RNF144A: variants seen among roughly 807,000 people sequenced by gnomAD.
RNF144A encodes the protein ring finger protein 144A, also known as E3 ubiquitin-protein ligase RNF144A.
In RNF144A, 11 loss-of-function variants were observed where a neutral mutation model predicts 38.7. That is an observed-to-expected ratio of 0.28 (90% CI 0.18 to 0.47). RNF144A has a LOEUF of 0.47. RNF144A is among the 20% of genes least tolerant of loss of function. The pLI is 0.99. For missense variants in RNF144A, 316 were observed against 377.2 expected, an observed-to-expected ratio of 0.84 and a Z score of 1.34; for synonymous variants, 149 against 143.9, an observed-to-expected ratio of 1.04 and a Z score of -0.25.
At chr2:6,923,446 C>T (rs1309448487) in intron 1 of RNF144A, among the ~76,000 whole-genome samples, 3 of 152,230 alleles carry the variant, frequency 2.0e-5, no homozygotes, top group Non-Finnish European at 4.4e-5. Context: ...GTTCAAGCCT[C>T]TTCCTGCCTT....
At chr2:6,996,781 C>G (rs1572364675) in intron 2 of RNF144A, 135 bp from the exon 3 acceptor site, 2 of 843,196 alleles carry the variant, frequency 2.4e-6, no homozygotes, top group Admixed American at 5.7e-5. Context: ...CTCAGAACAT[C>G]CAGATGCTCT....
chr2:6,925,125 G>T (rs1664777890), intron 1 of RNF144A, among the ~76,000 whole-genome samples: 1 of 152,228 alleles, frequency 6.6e-6, no homozygotes, highest in African/African-American at 2.4e-5. Flanking sequence ...GACTTTCTGA[G>T]TTGGCACCTT....
At chr2:7,054,244 A>G (rs1333739382) in intron 6 of RNF144A, among the ~76,000 whole-genome samples, 1 of 152,224 alleles carries the variant, frequency 6.6e-6, no homozygotes, top group East Asian at 1.9e-4. Flanking sequence ...GAATAAAACA[A>G]CATTTCGCCT....
chr2:7,020,050 G>C (rs888605043), intron 5 of RNF144A, among the ~76,000 whole-genome samples: 3 of 152,180 alleles, frequency 2.0e-5, no homozygotes, highest in Non-Finnish European at 4.4e-5. Flanking sequence ...CAGGGGTCCA[G>C]CTTCAGAAAA....
intron 2 of RNF144A, among the ~76,000 whole-genome samples, chr2:6,971,335 C>A (rs770349670): frequency 6.6e-6 from 1 of 152,154 alleles, no homozygotes; most frequent in African/African-American, 2.4e-5. Context: ...TAAGGATGGC[C>A]AGGGTGTGGG....
intron 3 of RNF144A, among the ~76,000 whole-genome samples, chr2:7,009,920 G>A (rs1670685078): frequency 6.6e-6 from 1 of 152,186 alleles, no homozygotes. Flanking sequence ...CTCTGTGTGT[G>A]TTCTACTCAT....
At chr2:6,988,559 G>A (rs1669103670) in intron 2 of RNF144A, among the ~76,000 whole-genome samples, 1 of 152,196 alleles carries the variant, frequency 6.6e-6, no homozygotes, top group Non-Finnish European at 1.5e-5. Flanking sequence ...GACCCTAGAG[G>A]TGAAACCTTA....
intron 2 of RNF144A, among the ~76,000 whole-genome samples, chr2:6,975,383 G>A (rs1465600524): frequency 6.6e-6 from 1 of 152,138 alleles, no homozygotes; most frequent in Middle Eastern, 3.2e-3. Context: ...TTGGGTGGGG[G>A]ACACAGAACC....
chr2:6,970,675 G>C (rs1281114635), intron 2 of RNF144A, among the ~76,000 whole-genome samples: 1 of 152,158 alleles, frequency 6.6e-6, no homozygotes, highest in Non-Finnish European at 1.5e-5. Context: ...AACTTGCCCA[G>C]GTCCCTTCAG....
At chr2:7,024,334 G>C in intron 6 of RNF144A, 35 bp from the exon 7 acceptor site, 1 of 1,565,216 alleles carries the variant, frequency 6.4e-7, no homozygotes, top group Admixed American at 1.7e-5. Flanking sequence ...CGTGGGATCC[G>C]TTTGTGCAGA....
At chr2:6,938,857 T>C (rs1443004079) in intron 1 of RNF144A, among the ~76,000 whole-genome samples, 1 of 152,184 alleles carries the variant, frequency 6.6e-6, no homozygotes, top group Non-Finnish European at 1.5e-5. Context: ...CTGGCTTCTC[T>C]CTCTCATCTG....
chr2:6,961,559 C>G (rs752631843), intron 2 of RNF144A, among the ~76,000 whole-genome samples: 2 of 152,242 alleles, frequency 1.3e-5, no homozygotes, highest in Non-Finnish European at 2.9e-5. Flanking sequence ...TGCATGCATC[C>G]TAAGGACATA....
chr2:6,998,871 C>G (rs903971441), intron 3 of RNF144A, among the ~76,000 whole-genome samples: 5 of 152,018 alleles, frequency 3.3e-5, no homozygotes, highest in South Asian at 2.1e-4. Context: ...GAATGGCTCC[C>G]CCTCTGCCAA....
intron 2 of RNF144A, among the ~76,000 whole-genome samples, chr2:6,986,240 A>G (rs968632151): frequency 1.3e-5 from 2 of 152,020 alleles, no homozygotes; most frequent in African/African-American, 4.8e-5. Flanking sequence ...AAAGCTTGCA[A>G]TAAAACCCGG....
At chr2:7,034,634 GA>G (rs1447023695) in intron 8 of RNF144A, among the ~76,000 whole-genome samples, 1 of 152,230 alleles carries the variant, frequency 6.6e-6, no homozygotes, top group Non-Finnish European at 1.5e-5. Context: ...CAGGCTGTGG[GA>G]AACTCATAAG....
Position 7,031,640 on chromosome 2 carries a change from A to G in RNF144A, c.747+1425A>G, listed in dbSNP as rs539247470. On this transcript the variant is annotated intron_variant, in intron 8 of 8. Transcript: ENST00000320892. ...GGAGAGCCTCTGAGGCACATGTGTC[A>G]GCCTCATCTAAAAGATGGAGAAACT... Among the ~76,000 whole-genome samples, 9 of 152,364 alleles carry G rather than the reference A, an allele frequency of 5.9e-5. No individual in the cohort carries two copies. In the South Asian group the frequency reaches 1.9e-3, roughly 32 times the overall value.
At chr2:6,919,265 G>A (rs984791558) in intron 1 of RNF144A, among the ~76,000 whole-genome samples, 1 of 152,192 alleles carries the variant, frequency 6.6e-6, no homozygotes, top group African/African-American at 2.4e-5. Flanking sequence ...GGGACAAGGT[G>A]TGTGACACCG....
At chr2:7,026,661 TG>T (rs1671921261) in intron 7 of RNF144A, among the ~76,000 whole-genome samples, 1 of 152,226 alleles carries the variant, frequency 6.6e-6, no homozygotes, top group Non-Finnish European at 1.5e-5. Context: ...ATTTGGAGGC[TG>T]CATTAGAAAT....
intron 1 of RNF144A, chr2:6,918,789 A>AAAAAAAAAAAAAAAC (rs1664334930): frequency 6.7e-6 from 1 of 149,936 alleles, no homozygotes; most frequent in African/African-American, 2.5e-5. Flanking sequence ...AAAAAAAAAA[A>AAAAAAAAAAAAAAAC]ATCCATTGAA....
Sources: gnomAD v4.1 joint callset for allele counts (sites outside exome capture counted in the v4.1 genomes callset) on GRCh38, gnomAD v4.1.1 for gene constraint, MANE v1.5 for transcripts, NCBI Gene and HGNC (gene_info 2026-07-23, HGNC 2026-07-21) for gene names.